MYO3A: variants seen among roughly 807,000 people sequenced by gnomAD.
MYO3A encodes myosin IIIA.
In MYO3A, 180 loss-of-function variants were observed where a neutral mutation model predicts 192.7. The ratio of observed to expected loss-of-function variants is 0.93; its 90% confidence interval spans 0.83 to 1.06. The LOEUF is 1.06. Ranked by LOEUF, MYO3A falls within the 50% of genes least tolerant of loss-of-function variation. The pLI, the probability that MYO3A is intolerant of heterozygous loss-of-function variation, is 0.00. For synonymous variants in MYO3A, 628 were observed against 645.3 expected, an observed-to-expected ratio of 0.97 and a Z score of 0.41; for missense variants, 1,896 against 1,905.0, an observed-to-expected ratio of 1.00 and a Z score of 0.09.
chr10:25,991,972 G>C (rs886607822), intron 4 of MYO3A, among the ~76,000 whole-genome samples: 7 of 152,260 alleles, frequency 4.6e-5, no homozygotes, highest in African/African-American at 1.7e-4. Flanking sequence ...TGTTCTTTTG[G>C]CTTAGGATTG....
chr10:26,161,530 T>C (rs536066158), intron 26 of MYO3A, among the ~76,000 whole-genome samples: 249 of 152,298 alleles, frequency 1.6e-3, no homozygotes, highest in Admixed American at 4.4e-3. Context: ...ATAAGTACCA[T>C]GCTTTGAAGT....
At chr10:26,199,913 G>C (rs545861818) in intron 32 of MYO3A, among the ~76,000 whole-genome samples, 6 of 152,290 alleles carry the variant, frequency 3.9e-5, no homozygotes, top group Admixed American at 1.3e-4. Context: ...AACTACTACT[G>C]AAGTCATGTT....
At chr10:26,023,893 T>C in intron 8 of MYO3A, 129 bp from the exon 9 acceptor site, 4 of 830,192 alleles carry the variant, frequency 4.8e-6, no homozygotes, top group South Asian at 4.0e-5. Context: ...TGTCTTGGAA[T>C]TGGGAAAAGA....
chr10:26,101,047 C>T (rs1564549261), intron 17 of MYO3A, among the ~76,000 whole-genome samples: 1 of 152,128 alleles, frequency 6.6e-6, no homozygotes, highest in Non-Finnish European at 1.5e-5. Context: ...CTTTGTAGGT[C>T]TCTAAAGACT....
intron 14 of MYO3A, among the ~76,000 whole-genome samples, chr10:26,078,130 C>CTTTTTTTTT (rs57336459): frequency 1.6e-5 from 2 of 122,298 alleles, no homozygotes; most frequent in Non-Finnish European, 3.5e-5. Context: ...TGGTCCTGGA[C>CTTTTTTTTT]TTTTTTTTTT....
intron 4 of MYO3A, among the ~76,000 whole-genome samples, chr10:25,983,192 A>T (rs931483009): frequency 6.6e-6 from 1 of 152,018 alleles, no homozygotes; most frequent in Non-Finnish European, 1.5e-5. Context: ...TTGCACAAGC[A>T]GAAGAAAGAA....
intron 19 of MYO3A, 141 bp downstream of exon 19, chr10:26,125,749 A>G: frequency 1.2e-6 from 1 of 804,906 alleles, no homozygotes; most frequent in Non-Finnish European, 2.0e-6. Context: ...AATTTAGTAG[A>G]TAAGCTTCAC....
chr10:26,019,290 G>T (rs568172772), intron 7 of MYO3A, among the ~76,000 whole-genome samples: 17 of 149,950 alleles, frequency 1.1e-4, no homozygotes, highest in African/African-American at 3.9e-4. Context: ...ACGGAGTCTC[G>T]CTCTGTCCCC....
intron 26 of MYO3A, among the ~76,000 whole-genome samples, chr10:26,160,645 T>TA (rs981290488): frequency 2.0e-5 from 3 of 151,176 alleles, no homozygotes; most frequent in Admixed American, 1.3e-4. Flanking sequence ...ACCCTATCTC[T>TA]AAAAAAAATG....
intron 20 of MYO3A, among the ~76,000 whole-genome samples, chr10:26,132,742 C>A (rs1293888149): frequency 1.3e-5 from 2 of 151,880 alleles, no homozygotes; most frequent in Non-Finnish European, 1.5e-5. Context: ...TTTAGACATG[C>A]ATCTATGGGT....
rs1457845918 is a variant in MYO3A at position 26,036,477 on chromosome 10, T to C, written c.953+9945T>C. 4.5e-4 allele frequency among the ~76,000 whole-genome samples: 68 copies of C among 152,240 alleles called. 1 individual carries two copies. The highest frequency in any genetic ancestry group is 1.5e-5 in the Non-Finnish European group (1 of 68,000). On this transcript the variant is annotated intron_variant, in intron 10 of 34. Transcript: ENST00000642920. ...TTGCCTATGTTATTAGTAGCCAAGC[T>C]CTCAGCAGGGGCCAACAAAACTGCA...
chr10:26,051,952 T>C (rs1246329814), intron 10 of MYO3A, among the ~76,000 whole-genome samples: 1 of 152,218 alleles, frequency 6.6e-6, no homozygotes, highest in Non-Finnish European at 1.5e-5. Flanking sequence ...ATCTTCATTA[T>C]GGTAATGAAT....
chr10:25,963,473 C>G (rs1838066016), intron 4 of MYO3A, among the ~76,000 whole-genome samples: 1 of 152,144 alleles, frequency 6.6e-6, no homozygotes, highest in Non-Finnish European at 1.5e-5. Flanking sequence ...CCCTTTAATG[C>G]TACTGCCCTG....
At chr10:26,163,309 T>A (rs1432072568) in intron 26 of MYO3A, among the ~76,000 whole-genome samples, 1 of 152,166 alleles carries the variant, frequency 6.6e-6, no homozygotes, top group Non-Finnish European at 1.5e-5. Flanking sequence ...GCTTAGAACT[T>A]GGGACATCCA....
At chr10:25,963,504 AG>A (rs1436989337) in intron 4 of MYO3A, among the ~76,000 whole-genome samples, 1 of 152,220 alleles carries the variant, frequency 6.6e-6, no homozygotes, top group African/African-American at 2.4e-5. Flanking sequence ...TGTACACAGA[AG>A]GGAATATAAA....
chr10:26,119,961 G>T (rs1838750552), intron 17 of MYO3A, among the ~76,000 whole-genome samples: 1 of 149,612 alleles, frequency 6.7e-6, no homozygotes, highest in African/African-American at 2.5e-5. Flanking sequence ...TTCGAGACCA[G>T]CCTGGGCAAC....
At chr10:26,056,344 A>T (rs11014935) in intron 10 of MYO3A, among the ~76,000 whole-genome samples, 71,720 of 151,802 alleles carry the variant, frequency 0.47, 17,775 homozygotes, top group Middle Eastern at 0.59. Context: ...TTGTGGAATA[A>T]CTAAAAAAGG....
At chr10:26,087,522 G>T (rs1836411241) in intron 14 of MYO3A, among the ~76,000 whole-genome samples, 1 of 152,194 alleles carries the variant, frequency 6.6e-6, no homozygotes, top group Non-Finnish European at 1.5e-5. Context: ...ACCTCTGGGG[G>T]CAGAGGTTGG....
chr10:25,971,284 A>G (rs1290691563), intron 4 of MYO3A, among the ~76,000 whole-genome samples: 2 of 152,192 alleles, frequency 1.3e-5, no homozygotes, highest in East Asian at 1.9e-4. Context: ...CAATTGTTAA[A>G]TATGTCACAT....
Sources: allele counts gnomAD v4.1 joint callset (sites outside exome capture counted in the v4.1 genomes callset), GRCh38; gene constraint gnomAD v4.1.1; transcripts MANE v1.5; gene names NCBI Gene and HGNC (gene_info 2026-07-23, HGNC 2026-07-21).